Variants in KCNIP1 observed in about 807,000 individuals in gnomAD.
The protein encoded by KCNIP1 is A-type potassium channel modulatory protein KCNIP1.
A neutral mutation model predicts 33.0 loss-of-function variants in KCNIP1; 18 were observed. That is an observed-to-expected ratio of 0.55 (90% CI 0.38 to 0.81). The LOEUF is 0.81. Ranked by LOEUF, KCNIP1 falls within the 30% of genes least tolerant of loss-of-function variation. KCNIP1 has a pLI of 0.00. For missense variants in KCNIP1, 238 were observed against 271.6 expected, an observed-to-expected ratio of 0.88 and a Z score of 0.87; for synonymous variants, 93 against 98.3, an observed-to-expected ratio of 0.95 and a Z score of 0.32.
chr5:170,671,565 A>G (rs893775073), intron 1 of KCNIP1, among the ~76,000 whole-genome samples: 2 of 152,050 alleles, frequency 1.3e-5, no homozygotes, highest in African/African-American at 2.4e-5. Flanking sequence ...TTCTTCCTTT[A>G]TGGCACCAAT....
At chr5:170,458,016 G>A (rs1756425155) in intron 1 of KCNIP1, among the ~76,000 whole-genome samples, 1 of 152,082 alleles carries the variant, frequency 6.6e-6, no homozygotes. Context: ...CAAAACTTCA[G>A]GAAACAATGG....
chr5:170,503,754 A>AT (rs1754568356), upstream of KCNIP1, among the ~76,000 whole-genome samples: 5 of 149,854 alleles, frequency 3.3e-5, no homozygotes, highest in Admixed American at 6.6e-5. Context: ...ACACACACAC[A>AT]CACACACACA....
chr5:170,589,798 C>CGGTGT (rs1561703824), intron 1 of KCNIP1, among the ~76,000 whole-genome samples: 12 of 123,420 alleles, frequency 9.7e-5, no homozygotes, highest in Non-Finnish European at 2.3e-4. Context: ...ATGTGGTGTG[C>CGGTGT]GGTGCGGTGC....
At position 170,491,801 on chromosome 5, in the gene KCNIP1, G is replaced by T. The variant is rs894446969; in HGVS notation, c.88+137837G>T. Reference sequence around the variant, plus strand: ...TGCCGGAAACTTTCCAGAGCCCTGAGTTGCAGTCCCAGCTCTGTCACTGTC... The same window carrying T: ...TGCCGGAAACTTTCCAGAGCCCTGATTTGCAGTCCCAGCTCTGTCACTGTC... On this transcript the variant is annotated intron_variant, in intron 1 of 7. Coordinates refer to the KCNIP1 transcript ENST00000377360. Among the ~76,000 whole-genome samples, 6 of 152,170 alleles carry T rather than the reference G, an allele frequency of 3.9e-5. No individual in the cohort carries two copies. In the East Asian group the frequency reaches 1.2e-3, roughly 29 times the overall value.
chr5:170,367,409 GAAAGAAAGAAAGGA>G, intron 1 of KCNIP1, among the ~76,000 whole-genome samples: 1 of 111,580 alleles, frequency 9.0e-6, no homozygotes, highest in Non-Finnish European at 1.9e-5. Flanking sequence ...AAGAAAGAAA[GAAAGAAAGAAAGGA>G]AAGAAAGAAA....
chr5:170,664,051 A>G (rs1761604209), intron 1 of KCNIP1, among the ~76,000 whole-genome samples: 1 of 151,336 alleles, frequency 6.6e-6, no homozygotes, highest in Non-Finnish European at 1.5e-5. Flanking sequence ...GCTCTCCACC[A>G]CCTCCAGGAT....
chr5:170,468,365 G>A (rs928054914), intron 1 of KCNIP1, among the ~76,000 whole-genome samples: 1 of 152,046 alleles, frequency 6.6e-6, no homozygotes, highest in Non-Finnish European at 1.5e-5. Flanking sequence ...TTTCTCAAAG[G>A]TACTCTTAAA....
chr5:170,448,130 T>C (rs539521532), intron 1 of KCNIP1, among the ~76,000 whole-genome samples: 5 of 152,178 alleles, frequency 3.3e-5, no homozygotes, highest in South Asian at 2.1e-4. Flanking sequence ...GAAGTGCATC[T>C]ATTTCATCAT....
chr5:170,375,977 A>G (rs1317060862), intron 1 of KCNIP1: 1 of 152,162 alleles, frequency 6.6e-6, no homozygotes, highest in Non-Finnish European at 1.5e-5. Flanking sequence ...ATACTTAGCC[A>G]CTGTCCTCTG....
intron 1 of KCNIP1, among the ~76,000 whole-genome samples, chr5:170,507,045 G>A (rs1581252496): frequency 6.6e-6 from 1 of 152,222 alleles, no homozygotes; most frequent in Non-Finnish European, 1.5e-5. Flanking sequence ...TCTTTGTAAA[G>A]GGAGAAACTT....
At chr5:170,496,073 AG>A (rs1370920205) in intron 1 of KCNIP1, among the ~76,000 whole-genome samples, 1 of 152,184 alleles carries the variant, frequency 6.6e-6, no homozygotes, top group East Asian at 1.9e-4. Context: ...AGGCAGCGGC[AG>A]GGTTACTGTT....
intron 1 of KCNIP1, among the ~76,000 whole-genome samples, chr5:170,512,954 G>A (rs536476100): frequency 1.3e-5 from 2 of 152,202 alleles, no homozygotes; most frequent in East Asian, 1.9e-4. Context: ...GGAGGTTGAG[G>A]CAGGAGAATG....
At position 170,504,184 on chromosome 5, in the gene KCNIP1, C is replaced by A. The variant is rs1561655663; in HGVS notation, c.-389C>A. On this transcript the variant is annotated 5_prime_UTR_variant, in exon 1 of 8. Transcript: ENST00000328939. This position sits in a 1 kb window ranked among gnomAD's most constrained non-coding sequence, Gnocchi z 6.0. ...CCGAGTGTGCGGCAGGAGGGGCGGG[C>A]GGACGGCGGCTCCCGCACCGCACGC... 1 of 1,016,876 alleles carries A rather than the reference C, an allele frequency of 9.8e-7. No individual in the cohort carries two copies. The highest frequency in any genetic ancestry group is 1.2e-6 in the Non-Finnish European group (1 of 851,464). The allele number at this position is 1,016,876 out of a possible 1,614,324, so 63.0% of individuals were successfully genotyped here. A position where few individuals can be genotyped will look rare whatever the true frequency, so the allele number is the denominator to read the frequency against.
At chr5:170,530,887 G>A (rs1028742983) in intron 1 of KCNIP1, among the ~76,000 whole-genome samples, 4 of 152,256 alleles carry the variant, frequency 2.6e-5, no homozygotes, top group Non-Finnish European at 4.4e-5. Context: ...CGCCTGTGTT[G>A]AGCAGTGGAG....
chr5:170,421,971 G>A (rs979686722), intron 1 of KCNIP1: 6 of 152,202 alleles, frequency 3.9e-5, no homozygotes, highest in Admixed American at 2.0e-4. Context: ...ATCTCTCCAG[G>A]AAGCAGTGTT....
intron 1 of KCNIP1, among the ~76,000 whole-genome samples, chr5:170,625,903 G>C (rs938411970): frequency 2.0e-5 from 3 of 152,208 alleles, no homozygotes; most frequent in African/African-American, 7.2e-5. Context: ...ACAAGACAGA[G>C]CCACTGAGCA....
At chr5:170,582,585 T>G (rs1050101609) in intron 1 of KCNIP1, among the ~76,000 whole-genome samples, 24 of 152,188 alleles carry the variant, frequency 1.6e-4, no homozygotes, top group Non-Finnish European at 3.1e-4. Flanking sequence ...GTCACCAATC[T>G]CAGACTATTG....
intron 1 of KCNIP1, among the ~76,000 whole-genome samples, chr5:170,480,722 G>C (rs1043894383): frequency 6.6e-6 from 1 of 152,204 alleles, no homozygotes; most frequent in South Asian, 2.1e-4. Flanking sequence ...GGGATTACAG[G>C]CGTGAGGCAC....
intron 1 of KCNIP1, among the ~76,000 whole-genome samples, chr5:170,647,548 T>C (rs1760833348): frequency 6.6e-6 from 1 of 151,436 alleles, no homozygotes; most frequent in Non-Finnish European, 1.5e-5. Context: ...CAACAAACAG[T>C]GCTAGAACAA....
Sources: allele counts gnomAD v4.1 joint callset (sites outside exome capture counted in the v4.1 genomes callset), GRCh38; gene constraint gnomAD v4.1.1; non-coding constraint Gnocchi (gnomAD v3.1); transcripts MANE v1.5; gene names NCBI Gene and HGNC (gene_info 2026-07-23, HGNC 2026-07-21).